HDGFL3: variants seen among roughly 807,000 people sequenced by gnomAD.
HDGFL3 encodes HDGF like 3.
In HDGFL3, 6 loss-of-function variants were observed where a neutral mutation model predicts 27.6. The observed-to-expected ratio is 0.22, with a 90% CI of 0.12 to 0.43. The LOEUF is 0.43. HDGFL3 is among the 20% of genes least tolerant of loss of function. HDGFL3 has a pLI of 1.00. For missense variants in HDGFL3, 207 were observed against 250.1 expected (o/e 0.83, Z 1.16); for synonymous variants, 88 against 88.9 (o/e 0.99, Z 0.05).
rs2035904916 is a variant in HDGFL3, at chr15:83,127,855, A to C, written c.*11415T>G. 3.8e-6 allele frequency: 1 copy of C among 262,242 alleles called. No homozygotes were observed. Among genetic ancestry groups the C allele is most frequent in the Admixed American group, 5.8e-5 (1 of 17,160 alleles). The allele number at this position is 262,242 out of a possible 1,614,324, so 16.2% of individuals were successfully genotyped here. On this transcript the variant is annotated 3_prime_UTR_variant, in exon 6 of 6. Transcript: ENST00000299633. Reference sequence around the variant, plus strand: ...CCTTCAAAATGTCCATCCAAATTTAAGACTTCAGAATTCCACTACGCTATG... The same window carrying C: ...CCTTCAAAATGTCCATCCAAATTTACGACTTCAGAATTCCACTACGCTATG...
intron 1 of HDGFL3, among the ~76,000 whole-genome samples, chr15:83,194,587 T>G (rs1261810977): frequency 6.6e-6 from 1 of 152,212 alleles, no homozygotes; most frequent in Non-Finnish European, 1.5e-5. Context: ...AATTTTTTTT[T>G]AATTACAATG....
chr15:83,139,651 A>G (rs1285192145), intron 5 of HDGFL3, among the ~76,000 whole-genome samples: 1 of 152,218 alleles, frequency 6.6e-6, no homozygotes, highest in Non-Finnish European at 1.5e-5. Flanking sequence ...TCAGAAAGAA[A>G]GGTAAGCTGT....
chr15:83,142,834 T>C (rs189774783), intron 5 of HDGFL3, among the ~76,000 whole-genome samples: 1 of 152,304 alleles, frequency 6.6e-6, no homozygotes. Flanking sequence ...TTAAAAAGAT[T>C]TGCAAAAATG....
chr15:83,121,974 T>G (rs913249337), intron 3 of HDGFL3: 34 of 1,611,514 alleles, frequency 2.1e-5, no homozygotes, highest in South Asian at 3.3e-5. Flanking sequence ...ATTATGAGTG[T>G]TGTTGTTTTT....
downstream of HDGFL3, chr15:83,124,704 G>A: frequency 6.2e-7 from 1 of 1,614,110 alleles, no homozygotes; most frequent in Non-Finnish European, 8.5e-7. Flanking sequence ...AAGACCTGCT[G>A]AGAAGACCAT....
Position 83,132,926 on chromosome 15 carries a change from G to A in HDGFL3, c.*6344C>T, listed in dbSNP as rs961347563. On this transcript the variant is annotated 3_prime_UTR_variant, in exon 6 of 6. Transcript: ENST00000299633. ...ACACTCACAGTAAAAAGGTCAAAAG[G>A]TCAAGAGAATCTAAAAACAAAGGGC... 3 of 152,156 alleles carry A rather than the reference G, an allele frequency of 2.0e-5. No homozygotes were observed. The highest frequency in any genetic ancestry group is 7.2e-5 in the African/African-American group (3 of 41,436). The allele number at this position is 152,156 out of a possible 1,614,324, so 9.4% of individuals were successfully genotyped here.
At chr15:83,165,698 G>A (rs953399651) in intron 1 of HDGFL3, among the ~76,000 whole-genome samples, 1 of 151,250 alleles carries the variant, frequency 6.6e-6, no homozygotes, top group African/African-American at 2.4e-5. Flanking sequence ...AGGAGGCTGA[G>A]GCAGGAGAAT....
chr15:83,166,496 T>C lies in HDGFL3; in HGVS notation c.85-2421A>G, dbSNP rs1254701310. The stretch of plus-strand genomic sequence containing the variant: ...ACGGAAACAAAAGAATAATACCTGT[T>C]ATCAAAAAAACACACTTGGGTACAG... On this transcript the variant is annotated intron_variant, in intron 1 of 5. Transcript: ENST00000299633. 2.0e-5 allele frequency among the ~76,000 whole-genome samples: 3 copies of C among 152,118 alleles called. No individual in the cohort carries two copies. In the East Asian group the frequency reaches 5.8e-4, roughly 29 times the overall value.
At chr15:83,157,340 C>T (rs1411924287) in intron 4 of HDGFL3, 75 bp downstream of exon 4, 4 of 1,408,722 alleles carry the variant, frequency 2.8e-6, no homozygotes, top group Non-Finnish European at 4.0e-6. Context: ...ACCCAATAAA[C>T]ACATGGAAAA....
At chr15:83,155,386 T>C (rs928578958) in intron 4 of HDGFL3, among the ~76,000 whole-genome samples, 1 of 152,226 alleles carries the variant, frequency 6.6e-6, no homozygotes, top group Non-Finnish European at 1.5e-5. Context: ...ATTAAATGCC[T>C]AGGCAACATT....
At chr15:83,205,390 T>C (rs1233645926) in intron 1 of HDGFL3, among the ~76,000 whole-genome samples, 1 of 152,234 alleles carries the variant, frequency 6.6e-6, no homozygotes, top group Non-Finnish European at 1.5e-5. Context: ...GATTTTTCTT[T>C]CTTGTACCTA....
Position 83,151,420 on chromosome 15 carries a change from A to AAG in HDGFL3, c.460-61_460-60dup, listed in dbSNP as rs1336473944. 1.4e-4 allele frequency: 201 copies of AAG among 1,437,272 alleles called. 1 individual carries two copies. The East Asian group carries it at 4.6e-3, about 33-fold the overall frequency. The allele number at this position is 1,437,272 out of a possible 1,614,324, so 89.0% of individuals were successfully genotyped here. ...AAAGCAGAAATCCAAATGTACAAGT[A>AAG]AGAGATGCAGAAATAGCTGACTTGC... On this transcript the variant is annotated intron_variant, in intron 4 of 5. Coordinates refer to ENST00000299633, the MANE Select transcript of HDGFL3 (RefSeq NM_016073.4).
At chr15:83,171,618 C>A (rs2037247231) in intron 1 of HDGFL3, among the ~76,000 whole-genome samples, 1 of 152,176 alleles carries the variant, frequency 6.6e-6, no homozygotes, top group Admixed American at 6.5e-5. Context: ...AGGCCATTAT[C>A]TTAAGCAAAT....
At position 83,163,770 on chromosome 15, in the gene HDGFL3, C is replaced by T; in HGVS notation, c.161+229G>A. On this transcript the variant is annotated intron_variant, in intron 2 of 5. Transcript: ENST00000299633. ...GAGGAGACTTGTGGGTGATGACCAACATTTAAGCAGAAACACAAATGACAT... is the reference window on the plus strand; with the variant it reads ...GAGGAGACTTGTGGGTGATGACCAATATTTAAGCAGAAACACAAATGACAT... 1.2e-5 allele frequency: 6 copies of T among 498,040 alleles called. No individual in the cohort carries two copies. The South Asian group carries it at 1.4e-4, about 12-fold the overall frequency. The allele number at this position is 498,040 out of a possible 1,614,324, so 30.9% of individuals were successfully genotyped here. A position where few individuals can be genotyped will look rare whatever the true frequency, so the allele number is the denominator to read the frequency against.
At chr15:83,199,030 G>A (rs968926102) in intron 1 of HDGFL3, among the ~76,000 whole-genome samples, 10 of 152,132 alleles carry the variant, frequency 6.6e-5, no homozygotes, top group Admixed American at 5.9e-4. Flanking sequence ...CCTGAAAGCC[G>A]TTAGACTGCA....
chr15:83,156,856 G>A (rs960007461), intron 4 of HDGFL3, among the ~76,000 whole-genome samples: 1 of 152,034 alleles, frequency 6.6e-6, no homozygotes, highest in African/African-American at 2.4e-5. Context: ...ACCATGCCCA[G>A]CTAATTTTGC....
chr15:83,119,817 A>G, intron 3 of HDGFL3: 1 of 1,418,418 alleles, frequency 7.1e-7, no homozygotes, highest in Non-Finnish European at 9.5e-7. Flanking sequence ...GGTGCACGTC[A>G]GACGTGGCTT....
At chr15:83,186,732 G>C (rs888352433) in intron 1 of HDGFL3, among the ~76,000 whole-genome samples, 2 of 152,078 alleles carry the variant, frequency 1.3e-5, no homozygotes, top group Admixed American at 1.3e-4. Flanking sequence ...GATTCAGAAG[G>C]GAAGAGGGTG....
intron 4 of HDGFL3, among the ~76,000 whole-genome samples, chr15:83,156,092 T>C (rs762305613): frequency 1.3e-5 from 2 of 152,230 alleles, no homozygotes; most frequent in Non-Finnish European, 2.9e-5. Flanking sequence ...AATTAGGCCT[T>C]TGCCAGCCTT....
Sources: allele counts gnomAD v4.1 joint callset (sites outside exome capture counted in the v4.1 genomes callset), GRCh38; gene constraint gnomAD v4.1.1; transcripts MANE v1.5; gene names NCBI Gene and HGNC (gene_info 2026-07-23, HGNC 2026-07-21).